Variants in ST6GALNAC3 observed in about 807,000 individuals in gnomAD.
The protein encoded by ST6GALNAC3 is alpha-N-acetylgalactosaminide alpha-2,6-sialyltransferase 3.
ST6GALNAC3 carries 25 observed loss-of-function variants against 32.7 expected under a neutral mutation model. That is an observed-to-expected ratio of 0.76 (90% CI 0.56 to 1.07). The LOEUF (loss-of-function observed/expected upper bound fraction) is 1.07, where lower values mean the gene tolerates loss of function less well. Among genes scored for constraint, ST6GALNAC3 ranks in the 50% least tolerant of loss-of-function variants. The pLI, the probability that ST6GALNAC3 is intolerant of heterozygous loss-of-function variation, is 0.00. For synonymous variants in ST6GALNAC3, 129 were observed against 133.1 expected, an observed-to-expected ratio of 0.97 and a Z score of 0.21; for missense variants, 355 against 382.4, an observed-to-expected ratio of 0.93 and a Z score of 0.60.
intron 2 of ST6GALNAC3, among the ~76,000 whole-genome samples, chr1:76,319,965 A>G (rs757180358): frequency 4.6e-5 from 7 of 152,206 alleles, no homozygotes; most frequent in Non-Finnish European, 8.8e-5. Flanking sequence ...ATGAAAGGAT[A>G]TATTTTTTGA....
chr1:76,120,793 A>C (rs1026053005), intron 1 of ST6GALNAC3, among the ~76,000 whole-genome samples: 1 of 152,182 alleles, frequency 6.6e-6, no homozygotes, highest in Admixed American at 6.5e-5. Flanking sequence ...CAGGTACATT[A>C]GTCCTATTGC....
chr1:76,226,871 A>C (rs945161194), intron 1 of ST6GALNAC3, among the ~76,000 whole-genome samples: 2 of 152,170 alleles, frequency 1.3e-5, no homozygotes, highest in African/African-American at 4.8e-5. Flanking sequence ...ACAATTCGAC[A>C]TGAGATTTAG....
rs151003974 is a variant in ST6GALNAC3, at chr1:76,225,424, T to C, written c.19-88381T>C. Among the ~76,000 whole-genome samples the C allele has an allele frequency of 5.7e-3, 875 of 152,202 alleles. 13 individuals are homozygous for C. Among genetic ancestry groups the C allele is most frequent in the African/African-American group, 0.02 (822 of 41,530 alleles). ...AATTAGTCTATCAGAAGTTTCTTTT[T>C]GAGAATAGCCATTAATGAAGATGAG... On this transcript the variant is annotated intron_variant, in intron 1 of 4. Coordinates refer to ENST00000328299, the MANE Select transcript of ST6GALNAC3 (RefSeq NM_152996.4).
At chr1:76,177,678 T>G (rs1652933140) in intron 1 of ST6GALNAC3, among the ~76,000 whole-genome samples, 1 of 152,162 alleles carries the variant, frequency 6.6e-6, no homozygotes, top group African/African-American at 2.4e-5. Flanking sequence ...AATATTAAAA[T>G]GCATTTAATA....
At chr1:76,394,514 A>G (rs1652794264) in intron 2 of ST6GALNAC3, among the ~76,000 whole-genome samples, 1 of 152,198 alleles carries the variant, frequency 6.6e-6, no homozygotes, top group African/African-American at 2.4e-5. Flanking sequence ...AGATATAGAA[A>G]AGATATGGCC....
intron 2 of ST6GALNAC3, among the ~76,000 whole-genome samples, chr1:76,364,028 T>G (rs2101059182): frequency 6.6e-6 from 1 of 152,300 alleles, no homozygotes; most frequent in Non-Finnish European, 1.5e-5. Flanking sequence ...CAAAGCACCT[T>G]AGCTTCTTAT....
chr1:76,343,470 T>C (rs1169939322), intron 2 of ST6GALNAC3, among the ~76,000 whole-genome samples: 2 of 152,212 alleles, frequency 1.3e-5, no homozygotes, highest in African/African-American at 4.8e-5. Flanking sequence ...GATCAGTGTA[T>C]ACTCTGAGTT....
chr1:76,356,901 T>A (rs1449873373), intron 2 of ST6GALNAC3, among the ~76,000 whole-genome samples: 1 of 152,008 alleles, frequency 6.6e-6, no homozygotes, highest in Non-Finnish European at 1.5e-5. Flanking sequence ...AACATAAGAA[T>A]TGTGCTTAGG....
intron 1 of ST6GALNAC3, among the ~76,000 whole-genome samples, chr1:76,189,784 T>A (rs1287444561): frequency 2.0e-5 from 3 of 152,062 alleles, no homozygotes; most frequent in Admixed American, 6.6e-5. Flanking sequence ...GCTGCAGAGA[T>A]GGAGATGGAG....
intron 3 of ST6GALNAC3, among the ~76,000 whole-genome samples, chr1:76,432,769 C>A (rs1168785628): frequency 3.3e-5 from 5 of 151,992 alleles, no homozygotes; most frequent in Admixed American, 3.3e-4. Context: ...CTTTTGTATT[C>A]TCTTATAATG....
intron 1 of ST6GALNAC3, among the ~76,000 whole-genome samples, chr1:76,246,673 TC>T (rs1657280016): frequency 1.3e-5 from 2 of 152,196 alleles, no homozygotes. Context: ...TATGCTCCTC[TC>T]AAAACTGGTT....
chr1:76,458,597 A>T (rs932482857), intron 3 of ST6GALNAC3, among the ~76,000 whole-genome samples: 1 of 150,212 alleles, frequency 6.7e-6, no homozygotes, highest in Non-Finnish European at 1.5e-5. Context: ...GACATGGATG[A>T]AATTGGAAAT....
At chr1:76,614,001 T>C (rs1282460425) in intron 3 of ST6GALNAC3, among the ~76,000 whole-genome samples, 1 of 152,226 alleles carries the variant, frequency 6.6e-6, no homozygotes, top group African/African-American at 2.4e-5. Context: ...TGTTACATCA[T>C]CGTTGAGAAA....
At chr1:76,479,679 GA>G (rs752340635) in intron 3 of ST6GALNAC3, among the ~76,000 whole-genome samples, 2 of 152,080 alleles carry the variant, frequency 1.3e-5, no homozygotes, top group Non-Finnish European at 2.9e-5. Context: ...CCTGAAAACA[GA>G]GCCCTTATGA....
intron 2 of ST6GALNAC3, 101 bp downstream of exon 2, chr1:76,314,100 G>A: frequency 9.0e-7 from 1 of 1,115,526 alleles, no homozygotes; most frequent in Non-Finnish European, 1.2e-6. Flanking sequence ...TACTCTGTCT[G>A]CCCCGGAGAG....
At position 76,428,482 on chromosome 1, in the gene ST6GALNAC3, G is replaced by A. The variant is rs114282589; in HGVS notation, c.623+16065G>A. Reference sequence around the variant, plus strand: ...TATCCATCTTAAAATTTCCTCAGGCGTGTGCTGAATGAGCCTACTTCATGG... The same window carrying A: ...TATCCATCTTAAAATTTCCTCAGGCATGTGCTGAATGAGCCTACTTCATGG... On this transcript the variant is annotated intron_variant, in intron 3 of 4. Coordinates refer to ENST00000328299, the MANE Select transcript of ST6GALNAC3 (RefSeq NM_152996.4). Among the ~76,000 whole-genome samples, 372 of 152,106 alleles carry A rather than the reference G, an allele frequency of 2.4e-3. 2 individuals carry two copies. The highest frequency in any genetic ancestry group is 6.8e-3 in the Middle Eastern group (2 of 294).
At chr1:76,592,254 G>A (rs1241484220) in intron 3 of ST6GALNAC3, among the ~76,000 whole-genome samples, 1 of 152,136 alleles carries the variant, frequency 6.6e-6, no homozygotes, top group East Asian at 1.9e-4. Context: ...CAGAGATGAT[G>A]AGGTTTGGAG....
intron 3 of ST6GALNAC3, among the ~76,000 whole-genome samples, chr1:76,528,686 A>G (rs1049146364): frequency 2.0e-5 from 3 of 151,598 alleles, no homozygotes; most frequent in Non-Finnish European, 4.4e-5. Flanking sequence ...CTCTCTCCAC[A>G]TTTTTGGGTC....
At chr1:76,290,255 T>C (rs918036350) in intron 1 of ST6GALNAC3, among the ~76,000 whole-genome samples, 1 of 152,238 alleles carries the variant, frequency 6.6e-6, no homozygotes, top group Non-Finnish European at 1.5e-5. Context: ...GTAAGACTAT[T>C]TTAAAAAGTA....
Sources: gnomAD v4.1 joint callset for allele counts (sites outside exome capture counted in the v4.1 genomes callset) on GRCh38, gnomAD v4.1.1 for gene constraint, MANE v1.5 for transcripts, NCBI Gene and HGNC (gene_info 2026-07-23, HGNC 2026-07-21) for gene names.